SLC2A13: variants seen among roughly 807,000 people sequenced by gnomAD.
The protein encoded by SLC2A13 is solute carrier family 2 member 13.
A neutral mutation model predicts 64.4 loss-of-function variants in SLC2A13; 32 were observed. The observed-to-expected ratio is 0.50, with a 90% confidence interval of 0.37 to 0.67. The LOEUF (loss-of-function observed/expected upper bound fraction) is 0.67. Among genes scored for constraint, SLC2A13 ranks in the 30% least tolerant of loss-of-function variants. The pLI, the probability that SLC2A13 is intolerant of heterozygous loss-of-function variation, is 0.00. For missense variants in SLC2A13, 743 were observed against 829.2 expected, an observed-to-expected ratio of 0.90 and a Z score of 1.28; for synonymous variants, 338 against 327.1, an observed-to-expected ratio of 1.03 and a Z score of -0.36.
At chr12:39,807,422 C>G (rs904435983) in intron 7 of SLC2A13, among the ~76,000 whole-genome samples, 1 of 152,250 alleles carries the variant, frequency 6.6e-6, no homozygotes, top group South Asian at 2.1e-4. Context: ...CATAATTATG[C>G]AAGTTGTTAT....
At chr12:39,940,520 A>C (rs1208884033) in intron 4 of SLC2A13, among the ~76,000 whole-genome samples, 1 of 152,196 alleles carries the variant, frequency 6.6e-6, no homozygotes, top group South Asian at 2.1e-4. Flanking sequence ...ACAAGTATGA[A>C]TGACTCATTC....
At chr12:39,938,643 T>G (rs1945963497) in intron 4 of SLC2A13, among the ~76,000 whole-genome samples, 1 of 151,652 alleles carries the variant, frequency 6.6e-6, no homozygotes, top group Admixed American at 6.6e-5. Flanking sequence ...GAATCTCCAA[T>G]TTTTATTGGT....
rs969086080 is a variant in SLC2A13, at chr12:40,105,051, C to A, written c.556+202G>T. Among the ~76,000 whole-genome samples the A allele has an allele frequency of 6.6e-5, 10 of 152,134 alleles. No homozygotes were observed. On this transcript the variant is annotated intron_variant, in intron 1 of 9. Coordinates refer to ENST00000280871, the MANE Select transcript of SLC2A13 (RefSeq NM_052885.4). This position sits in a 1 kb window ranked among gnomAD's most constrained non-coding sequence, Gnocchi z 4.2. Reference sequence around the variant, plus strand: ...TCGAGGGAGACTAGAGTGACACCCCCTCCCCCCCGACCCTCCCACCTCCCG... The same window carrying A: ...TCGAGGGAGACTAGAGTGACACCCCATCCCCCCCGACCCTCCCACCTCCCG...
At chr12:40,012,694 T>C (rs1221639489) in intron 3 of SLC2A13, among the ~76,000 whole-genome samples, 2 of 152,212 alleles carry the variant, frequency 1.3e-5, no homozygotes, top group African/African-American at 4.8e-5. Flanking sequence ...CAAATGTAAA[T>C]CAGCAAAGCA....
At chr12:39,895,041 C>A (rs752818551) in intron 4 of SLC2A13, among the ~76,000 whole-genome samples, 1 of 151,932 alleles carries the variant, frequency 6.6e-6, no homozygotes, top group Non-Finnish European at 1.5e-5. Flanking sequence ...GGCAGTGGAA[C>A]TTTTTGTTTT....
At chr12:40,086,543 T>G (rs975371103) in intron 1 of SLC2A13, among the ~76,000 whole-genome samples, 1 of 152,168 alleles carries the variant, frequency 6.6e-6, no homozygotes, top group African/African-American at 2.4e-5. Context: ...CATCTCTATA[T>G]ATAAGAAATA....
chr12:39,829,032 C>CT (rs1942771780), intron 7 of SLC2A13, among the ~76,000 whole-genome samples: 2 of 152,034 alleles, frequency 1.3e-5, no homozygotes, highest in Admixed American at 1.3e-4. Flanking sequence ...AGACACAATA[C>CT]TTTATTACAG....
intron 6 of SLC2A13, 79 bp from the exon 7 acceptor site, chr12:39,830,307 T>C: frequency 6.5e-7 from 1 of 1,544,372 alleles, no homozygotes. Context: ...TGTGCTTCTC[T>C]GCATTTTCCA....
In SLC2A13 at chr12:40,105,856, G is replaced by A. The variant is rs1482360522; in HGVS notation, c.-48C>T. On this transcript the variant is annotated 5_prime_UTR_variant, in exon 1 of 10. Transcript: ENST00000280871. This position sits in a 1 kb window ranked among gnomAD's most constrained non-coding sequence, Gnocchi z 4.2. ...CGGGGGGACGCGGCTCCGCGGGCCG[G>A]CAGTCTCGGCGAGCTAGACAGCCCG... 1 of 1,344,554 alleles carries A rather than the reference G, an allele frequency of 7.4e-7. No individual in the cohort carries two copies. The highest frequency in any genetic ancestry group is 9.5e-7 in the Non-Finnish European group (1 of 1,051,508). The allele number at this position is 1,344,554 out of a possible 1,614,324, so 83.3% of individuals were successfully genotyped here. A position where few individuals can be genotyped will look rare whatever the true frequency, so the allele number is the denominator to read the frequency against.
chr12:40,034,508 A>C (rs1377988545), intron 2 of SLC2A13, among the ~76,000 whole-genome samples: 1 of 152,186 alleles, frequency 6.6e-6, no homozygotes, highest in African/African-American at 2.4e-5. Flanking sequence ...ATACTGTCTT[A>C]AACTAAAAAA....
intron 1 of SLC2A13, among the ~76,000 whole-genome samples, chr12:40,096,551 A>G (rs1454082885): frequency 6.6e-6 from 1 of 151,978 alleles, no homozygotes; most frequent in African/African-American, 2.4e-5. Flanking sequence ...TATACTAGAG[A>G]AGATGAGACC....
chr12:39,970,518 ATTTC>A (rs1565568311), intron 3 of SLC2A13, among the ~76,000 whole-genome samples: 3 of 151,840 alleles, frequency 2.0e-5, no homozygotes, highest in African/African-American at 7.3e-5. Context: ...CTCCTCTAAC[ATTTC>A]TTTGTTTCAT....
chr12:39,933,487 C>T (rs1945865299), intron 4 of SLC2A13, among the ~76,000 whole-genome samples: 1 of 152,180 alleles, frequency 6.6e-6, no homozygotes, highest in African/African-American at 2.4e-5. Flanking sequence ...TTTCTTGCTT[C>T]ATGGTGCCCT....
At position 40,105,457 on chromosome 12, in the gene SLC2A13, G is replaced by A. The variant is rs746840387; in HGVS notation, c.352C>T (p.Leu118=). Residue 118 remains leucine, a synonymous_variant, in exon 1 of 10, where the codon CTG becomes TTG. Coordinates refer to ENST00000280871, the MANE Select transcript of SLC2A13 (RefSeq NM_052885.4). The surrounding 1 kb of genome is among the most constrained non-coding windows in gnomAD (Gnocchi z 4.2). ...CTGGACACCAGCAGCTCCTGCCACA[G>A]CGCGTCCAGACTGAGCTGCCGCTTG... is the stretch of plus-strand genomic sequence containing the variant. ...LLKRQLSLDA[L]WQELLVSSTV... 5.8e-6 allele frequency: 9 copies of A among 1,560,148 alleles called. No individual in the cohort carries two copies. The highest frequency in any genetic ancestry group is 3.8e-5 in the Admixed American group (2 of 52,598).
At chr12:39,799,356 TACCTCG>T (rs1457952352) in intron 7 of SLC2A13, among the ~76,000 whole-genome samples, 1 of 150,290 alleles carries the variant, frequency 6.7e-6, no homozygotes, top group Admixed American at 6.7e-5. Context: ...GTGATCTGCC[TACCTCG>T]ACCTTCCAAA....
chr12:39,965,537 C>G (rs537516131), intron 3 of SLC2A13, among the ~76,000 whole-genome samples: 1 of 152,220 alleles, frequency 6.6e-6, no homozygotes, highest in South Asian at 2.1e-4. Context: ...ATCCAATTTA[C>G]GTACCAAGAA....
At chr12:39,999,658 T>C (rs934658682) in intron 3 of SLC2A13, among the ~76,000 whole-genome samples, 5 of 152,234 alleles carry the variant, frequency 3.3e-5, no homozygotes, top group African/African-American at 1.2e-4. Context: ...TAGACCATTA[T>C]CAGTAATTCT....
At chr12:40,095,458 C>CA in intron 1 of SLC2A13, among the ~76,000 whole-genome samples, 1 of 152,316 alleles carries the variant, frequency 6.6e-6, no homozygotes, top group African/African-American at 2.4e-5. Context: ...TAGGTCCATA[C>CA]AAGTAGGTTC....
chr12:39,934,967 G>A (rs1945893554), intron 4 of SLC2A13, among the ~76,000 whole-genome samples: 1 of 152,224 alleles, frequency 6.6e-6, no homozygotes, highest in Non-Finnish European at 1.5e-5. Flanking sequence ...ATCAGCCACA[G>A]GAAGCATAAT....
Sources: allele counts gnomAD v4.1 joint callset (sites outside exome capture counted in the v4.1 genomes callset), GRCh38; gene constraint gnomAD v4.1.1; non-coding constraint Gnocchi (gnomAD v3.1); transcripts MANE v1.5; gene names NCBI Gene and HGNC (gene_info 2026-07-23, HGNC 2026-07-21).